The following ZNF644 variants were observed in gnomAD, a reference collection of about 807,000 sequenced individuals.
ZNF644 encodes zinc finger motif enhancer binding protein 2.
A neutral mutation model predicts 108.0 loss-of-function variants in ZNF644; 20 were observed. That is an observed-to-expected ratio of 0.19 (90% confidence interval 0.13 to 0.27). The LOEUF is 0.27. ZNF644 is among the 10% of genes least tolerant of loss of function. ZNF644 has a pLI of 1.00. For missense variants in ZNF644, 1,338 were observed against 1,548.9 expected, an observed-to-expected ratio of 0.86 and a Z score of 2.29; for synonymous variants, 542 against 539.1, an observed-to-expected ratio of 1.01 and a Z score of -0.08.
chr1:90,929,213 A>C (rs1052472184), intron 4 of ZNF644, among the ~76,000 whole-genome samples: 3 of 152,198 alleles, frequency 2.0e-5, no homozygotes, highest in African/African-American at 7.2e-5. Context: ...CTGCCCTCAA[A>C]AGGAGGCTTA....
At chr1:90,969,805 C>T (rs1049074938) in intron 2 of ZNF644, among the ~76,000 whole-genome samples, 3 of 151,804 alleles carry the variant, frequency 2.0e-5, no homozygotes, top group Non-Finnish European at 4.4e-5. Flanking sequence ...AAAAACAGCC[C>T]ATATAGGTTC....
chr1:90,983,210 A>C (rs1656738092), intron 1 of ZNF644, among the ~76,000 whole-genome samples: 1 of 152,092 alleles, frequency 6.6e-6, no homozygotes. Flanking sequence ...TTTCCAAACT[A>C]TCATCTCTGA....
intron 1 of ZNF644, among the ~76,000 whole-genome samples, chr1:90,988,536 T>C (rs1238580587): frequency 3.9e-5 from 6 of 152,050 alleles, no homozygotes. Context: ...GGAAAACCTA[T>C]CCTTAAATTC....
intron 1 of ZNF644, among the ~76,000 whole-genome samples, chr1:90,997,301 A>G (rs1658241540): frequency 1.3e-5 from 2 of 152,214 alleles, no homozygotes; most frequent in African/African-American, 4.8e-5. Flanking sequence ...CAACACACAC[A>G]TAACTTCAAC....
At chr1:91,011,031 T>G (rs188325183) in intron 1 of ZNF644, among the ~76,000 whole-genome samples, 1 of 152,334 alleles carries the variant, frequency 6.6e-6, no homozygotes, top group East Asian at 1.9e-4. Context: ...TCTAATTGTT[T>G]TATGTTAGTG....
chr1:91,015,070 C>T (rs978609656), intron 1 of ZNF644, among the ~76,000 whole-genome samples: 6 of 152,096 alleles, frequency 3.9e-5, no homozygotes, highest in Non-Finnish European at 5.9e-5. Flanking sequence ...TGGGTGACTT[C>T]CCCTCCCTCA....
intron 1 of ZNF644, among the ~76,000 whole-genome samples, chr1:91,008,281 C>T (rs574336159): frequency 6.6e-5 from 10 of 152,264 alleles, no homozygotes; most frequent in Admixed American, 3.3e-4. Flanking sequence ...ATGAGTGTTG[C>T]TTACTTGTTA....
At chr1:90,983,377 T>C (rs1226912868) in intron 1 of ZNF644, among the ~76,000 whole-genome samples, 1 of 150,980 alleles carries the variant, frequency 6.6e-6, no homozygotes, top group East Asian at 2.0e-4. Flanking sequence ...AGTAAGAACA[T>C]TAAAAGTCTA....
chr1:90,983,660 C>T (rs1469797821), intron 1 of ZNF644, among the ~76,000 whole-genome samples: 2 of 152,088 alleles, frequency 1.3e-5, no homozygotes, highest in Non-Finnish European at 2.9e-5. Flanking sequence ...GGCACAGTGG[C>T]TCACACCTGT....
At chr1:90,965,121 A>G (rs946689726) in intron 2 of ZNF644, among the ~76,000 whole-genome samples, 4 of 152,214 alleles carry the variant, frequency 2.6e-5, no homozygotes, top group Admixed American at 1.3e-4. Flanking sequence ...GGATAACAGA[A>G]AAAGCTATAC....
At chr1:90,935,928 T>C (rs1016140647) in intron 4 of ZNF644, among the ~76,000 whole-genome samples, 2 of 152,294 alleles carry the variant, frequency 1.3e-5, no homozygotes, top group South Asian at 4.1e-4. Context: ...AAAAGTCTAG[T>C]TGACAAAGTG....
intron 1 of ZNF644, among the ~76,000 whole-genome samples, chr1:91,002,948 C>T (rs1194608774): frequency 2.0e-5 from 3 of 151,642 alleles, no homozygotes; most frequent in African/African-American, 7.3e-5. Flanking sequence ...CATCACTGGC[C>T]ATCAGAGAAA....
At chr1:90,988,016 TG>T (rs764159821) in intron 1 of ZNF644, among the ~76,000 whole-genome samples, 6 of 152,182 alleles carry the variant, frequency 3.9e-5, no homozygotes, top group South Asian at 4.1e-4. Flanking sequence ...GGATGCCTAC[TG>T]TCACCATTTC....
At chr1:90,958,500 G>A (rs1040176460) in intron 2 of ZNF644, among the ~76,000 whole-genome samples, 3 of 150,554 alleles carry the variant, frequency 2.0e-5, no homozygotes, top group Middle Eastern at 3.4e-3. Context: ...GGAACTGAAC[G>A]AGTCCCTGAA....
Position 90,939,189 on chromosome 1 carries a change from A to G in ZNF644, c.2165T>C (p.Phe722Ser). The change falls in exon 3 of 6, where the codon TTC (phenylalanine) becomes TCC (serine). Residue 722 changes from phenylalanine to serine, a missense_variant. By Grantham distance (155) the Phe-to-Ser change is radical (BLOSUM62 -2). Around this residue, in one of 6 missense-constraint regions of ZNF644, gnomAD observed 462 missense variants for 472.6 expected, o/e 0.98. Coordinates refer to ENST00000337393, the MANE Select transcript of ZNF644 (RefSeq NM_201269.3). ...KSSVDQKPKYFHQAAKEKSNA... is the reference protein window; with the variant it reads ...KSSVDQKPKYSHQAAKEKSNA... Reference sequence around the variant, plus strand: ...AGACTTTTCTTTTGCTGCTTGATGGAAATACTTAGGTTTTTGGTCAACGCT... The same window carrying G: ...AGACTTTTCTTTTGCTGCTTGATGGGAATACTTAGGTTTTTGGTCAACGCT... The G allele has an allele frequency of 6.2e-7, 1 of 1,613,760 alleles. No homozygotes were observed. Among genetic ancestry groups the G allele is most frequent in the South Asian group, 1.1e-5 (1 of 91,080 alleles).
intron 2 of ZNF644, among the ~76,000 whole-genome samples, chr1:90,957,788 AAAAT>A (rs1653897528): frequency 6.6e-6 from 1 of 152,330 alleles, no homozygotes; most frequent in African/African-American, 2.4e-5. Context: ...TTATGTAAGA[AAAAT>A]AAATAAAAGG....
At chr1:90,943,436 G>C (rs924205501) in intron 2 of ZNF644, among the ~76,000 whole-genome samples, 1 of 151,978 alleles carries the variant, frequency 6.6e-6, no homozygotes, top group Non-Finnish European at 1.5e-5. Flanking sequence ...GTGAGACTCC[G>C]TCTCAAAAAA....
At position 90,915,972 on chromosome 1, in the gene ZNF644, C is replaced by T. The variant is rs1169014634; in HGVS notation, c.*826G>A. 6.6e-6 allele frequency: 1 copy of T among 152,382 alleles called. No individual in the cohort carries two copies. The highest frequency in any genetic ancestry group is 2.4e-5 in the African/African-American group (1 of 41,386). The allele number at this position is 152,382 out of a possible 1,614,324, so 9.4% of individuals were successfully genotyped here. On this transcript the variant is annotated 3_prime_UTR_variant, in exon 6 of 6. Transcript: ENST00000337393. ...AGGTAAAACATTAAAAAGAAACAAA[C>T]CTGTTAACAAAAGAATGTCTTGCAA...
intron 4 of ZNF644, among the ~76,000 whole-genome samples, chr1:90,933,910 G>A (rs981459305): frequency 6.6e-6 from 1 of 152,082 alleles, no homozygotes; most frequent in South Asian, 2.1e-4. Flanking sequence ...CCTATAAAAC[G>A]TTAAGAGAAT....
Sources: gnomAD v4.1 joint callset for allele counts (sites outside exome capture counted in the v4.1 genomes callset) on GRCh38, gnomAD v4.1.1 for gene constraint, gnomAD v4.1.1 regional missense constraint, MANE v1.5 for transcripts, NCBI Gene and HGNC (gene_info 2026-07-23, HGNC 2026-07-21) for gene names.